Variants in EPB41L4A observed in about 807,000 individuals in gnomAD.
The protein encoded by EPB41L4A is band 4.1-like protein 4A.
Under a neutral mutation model 108.6 loss-of-function variants are expected in EPB41L4A, and 100 were observed. The ratio of observed to expected loss-of-function variants is 0.92; its 90% CI spans 0.78 to 1.09. The LOEUF is 1.09. Among genes scored for constraint, EPB41L4A ranks in the 50% least tolerant of loss-of-function variants. The probability of loss-of-function intolerance (pLI) is 0.00; values close to 1 mark genes in which losing one functional copy is unlikely to be tolerated. For missense variants in EPB41L4A, 1,030 were observed against 842.7 expected, an observed-to-expected ratio of 1.22 and a Z score of -2.75; for synonymous variants, 319 against 289.0, an observed-to-expected ratio of 1.10 and a Z score of -1.05.
At chr5:112,396,529 T>C (rs900728145) in intron 1 of EPB41L4A, among the ~76,000 whole-genome samples, 3 of 152,208 alleles carry the variant, frequency 2.0e-5, no homozygotes, top group African/African-American at 7.2e-5. Context: ...TCCAGGAGTA[T>C]CTACATCAAG....
chr5:112,219,530 T>C (rs1428749564), intron 12 of EPB41L4A, among the ~76,000 whole-genome samples: 1 of 152,214 alleles, frequency 6.6e-6, no homozygotes, highest in Non-Finnish European at 1.5e-5. Context: ...CACCTTATCA[T>C]ACTTCTCTAT....
chr5:112,346,691 C>T (rs1757699267), intron 1 of EPB41L4A, among the ~76,000 whole-genome samples: 1 of 152,208 alleles, frequency 6.6e-6, no homozygotes, highest in Non-Finnish European at 1.5e-5. Flanking sequence ...ATAGACCACA[C>T]TGCAGAAATG....
rs762010062 is a variant in EPB41L4A at position 112,168,991 on chromosome 5, T to G, written c.1850+4A>C. 1 of 1,607,720 alleles carries G rather than the reference T, an allele frequency of 6.2e-7. No homozygotes were observed. Among genetic ancestry groups the G allele is most frequent in the East Asian group, 2.2e-5 (1 of 44,864 alleles). ...TGATGGTGTACTCTGGCCTGCCCAC[T>G]TACTTCACTTCCGAGAGAACTGATC... On this transcript the variant is annotated splice_donor_region_variant and intron_variant, in intron 21 of 22. Transcript: ENST00000261486.
chr5:112,166,248 C>G (rs899190773), intron 22 of EPB41L4A, among the ~76,000 whole-genome samples: 2 of 152,238 alleles, frequency 1.3e-5, no homozygotes, highest in African/African-American at 4.8e-5. Flanking sequence ...GAAATTAGAA[C>G]TTAAAGTTGT....
chr5:112,321,746 T>C (rs1286197620), intron 1 of EPB41L4A, among the ~76,000 whole-genome samples: 3 of 152,182 alleles, frequency 2.0e-5, no homozygotes, highest in African/African-American at 7.2e-5. Flanking sequence ...AATAATAGCA[T>C]AGTAGATGCC....
chr5:112,287,865 T>C (rs1753387906), intron 2 of EPB41L4A, among the ~76,000 whole-genome samples: 1 of 152,206 alleles, frequency 6.6e-6, no homozygotes, highest in Non-Finnish European at 1.5e-5. Flanking sequence ...CCAGGTAAAC[T>C]GTTGAAATTG....
chr5:112,307,538 T>G (rs1250034446), intron 1 of EPB41L4A, 48 bp from the exon 2 acceptor site: 1 of 1,227,786 alleles, frequency 8.1e-7, no homozygotes, highest in Admixed American at 1.7e-5. Context: ...CTTTTGTTCC[T>G]AAGTAGTACA....
intron 15 of EPB41L4A, among the ~76,000 whole-genome samples, chr5:112,198,749 T>G (rs1419914162): frequency 6.6e-6 from 1 of 152,218 alleles, no homozygotes; most frequent in Non-Finnish European, 1.5e-5. Flanking sequence ...ATTTTACTCA[T>G]TTTAAATTCT....
At chr5:112,236,656 C>G (rs948211441) in intron 11 of EPB41L4A, among the ~76,000 whole-genome samples, 3 of 152,206 alleles carry the variant, frequency 2.0e-5, no homozygotes, top group African/African-American at 7.2e-5. Flanking sequence ...TCACCCACTT[C>G]CCTGCTGCCT....
chr5:112,342,327 TTTATC>T (rs1456913739), intron 1 of EPB41L4A, among the ~76,000 whole-genome samples: 1 of 152,156 alleles, frequency 6.6e-6, no homozygotes, highest in African/African-American at 2.4e-5. Flanking sequence ...AAACATGAAA[TTTATC>T]TTATCACTGG....
rs911312528 is a variant in EPB41L4A at position 112,280,349 on chromosome 5, A to G, written c.205-26T>C. ...CTGTGTGAGGAAGAAAAGGACAATTAAAGAAATTAGTTGCTTTTCATTAGC... is the reference window on the plus strand; with the variant it reads ...CTGTGTGAGGAAGAAAAGGACAATTGAAGAAATTAGTTGCTTTTCATTAGC... On this transcript the variant is annotated intron_variant, in intron 2 of 22. Coordinates refer to ENST00000261486, the MANE Select transcript of EPB41L4A (RefSeq NM_022140.5). The G allele has an allele frequency of 5.6e-6, 9 of 1,607,050 alleles. No homozygotes were observed. The African/African-American group carries it at 9.4e-5, about 17-fold the overall frequency.
In EPB41L4A at chr5:112,339,506, A is replaced by C. The variant is rs59503339; in HGVS notation, c.100-32016T>G. On this transcript the variant is annotated intron_variant, in intron 1 of 22. Transcript: ENST00000261486. ...TATATATATATATATCTATATATAT[A>C]TATAGATATATAGATATATATCTAT... 1.3e-4 allele frequency among the ~76,000 whole-genome samples: 6 copies of C among 44,474 alleles called. No homozygotes were observed. The East Asian group carries it at 3.7e-3, about 27-fold the overall frequency. 29.2% of individuals were successfully genotyped at this position (44,474 alleles called of 152,430 possible).
chr5:112,267,266 G>C (rs1335382585), intron 4 of EPB41L4A, among the ~76,000 whole-genome samples: 2 of 151,912 alleles, frequency 1.3e-5, no homozygotes, highest in African/African-American at 4.8e-5. Context: ...CTTCTGTTTT[G>C]TAAGGTGACT....
chr5:112,155,764 A>T (rs937366936), intron 12 of EPB41L4A, among the ~76,000 whole-genome samples: 2 of 152,194 alleles, frequency 1.3e-5, no homozygotes, highest in Admixed American at 1.3e-4. Context: ...GGGGGCCAGG[A>T]AGCAAATTTA....
At chr5:112,292,361 C>T (rs1272608420) in intron 2 of EPB41L4A, among the ~76,000 whole-genome samples, 1 of 152,166 alleles carries the variant, frequency 6.6e-6, no homozygotes, top group African/African-American at 2.4e-5. Context: ...TATCCTGCGG[C>T]CTCCAATACT....
chr5:112,249,474 A>T (rs926063108), intron 9 of EPB41L4A: 14 of 152,208 alleles, frequency 9.2e-5, no homozygotes, highest in African/African-American at 2.2e-4. Flanking sequence ...GAAAAATTTT[A>T]TCTTTCTAAA....
chr5:112,195,053 A>G (rs778018451), intron 16 of EPB41L4A, among the ~76,000 whole-genome samples: 26 of 152,032 alleles, frequency 1.7e-4, no homozygotes, highest in Non-Finnish European at 3.1e-4. Flanking sequence ...CTGAATTTAC[A>G]CTGGTCTTGT....
chr5:112,259,410 T>C, intron 8 of EPB41L4A, 118 bp from the exon 9 acceptor site: 5 of 759,702 alleles, frequency 6.6e-6, no homozygotes, highest in Non-Finnish European at 9.3e-6. Flanking sequence ...TACTGCTCCA[T>C]ACCCAGTACA....
intron 1 of EPB41L4A, among the ~76,000 whole-genome samples, chr5:112,395,481 A>G (rs1469536013): frequency 1.3e-5 from 2 of 152,396 alleles, no homozygotes; most frequent in South Asian, 4.1e-4. Context: ...TGCAGCCAAC[A>G]GACACATGAA....
Sources: gnomAD v4.1 joint callset for allele counts (sites outside exome capture counted in the v4.1 genomes callset) on GRCh38, gnomAD v4.1.1 for gene constraint, MANE v1.5 for transcripts, NCBI Gene and HGNC (gene_info 2026-07-23, HGNC 2026-07-21) for gene names.